The following NHERF1 variants were observed in gnomAD, a reference collection of about 807,000 sequenced individuals.
NHERF1 encodes the protein Na(+)/H(+) exchange regulatory cofactor NHE-RF1.
the NHERF1 span, chr17:74,768,390 C>A: frequency 6.5e-7 from 1 of 1,535,526 alleles, no homozygotes; most frequent in Non-Finnish European, 9.0e-7. Flanking sequence ...CCCAACGGAG[C>A]CACCTCACCA....
At chr17:74,750,370 C>T in the NHERF1 span, among the ~76,000 whole-genome samples, 3 of 152,172 alleles carry the variant, frequency 2.0e-5, no homozygotes, top group Admixed American at 1.3e-4. Context: ...ACCAGCTCTC[C>T]CTGGTGGCAG....
the NHERF1 span, chr17:74,749,173 G>A: frequency 6.5e-7 from 1 of 1,534,136 alleles, no homozygotes; most frequent in Admixed American, 2.0e-5. This position sits in a 1 kb window ranked among gnomAD's most constrained non-coding sequence, Gnocchi z 5.6. Context: ...TCCGAGAGGA[G>A]CTGCTGCGCG....
the NHERF1 span, among the ~76,000 whole-genome samples, chr17:74,758,273 C>T: frequency 6.6e-6 from 1 of 152,204 alleles, no homozygotes; most frequent in African/African-American, 2.4e-5. This position sits in a 1 kb window ranked among gnomAD's most constrained non-coding sequence, Gnocchi z 4.3. Flanking sequence ...GGGGCGGCCA[C>T]TTAGGGCGCG....
At chr17:74,766,392 G>A in the NHERF1 span, among the ~76,000 whole-genome samples, 1 of 151,634 alleles carries the variant, frequency 6.6e-6, no homozygotes, top group Non-Finnish European at 1.5e-5. Flanking sequence ...TAGTAGAGAC[G>A]GGGTTTCACC....
At chr17:74,765,758 G>A in the NHERF1 span, among the ~76,000 whole-genome samples, 1 of 151,968 alleles carries the variant, frequency 6.6e-6, no homozygotes, top group Non-Finnish European at 1.5e-5. Context: ...CGCCATGTTG[G>A]CCAGGCTGGT....
At chr17:74,750,885 G>T in the NHERF1 span, among the ~76,000 whole-genome samples, 1 of 147,476 alleles carries the variant, frequency 6.8e-6, no homozygotes, top group Admixed American at 7.0e-5. Flanking sequence ...CATAGCACAC[G>T]TGCGCAAAGG....
At chr17:74,752,383 C>G in the NHERF1 span, among the ~76,000 whole-genome samples, 1 of 152,048 alleles carries the variant, frequency 6.6e-6, no homozygotes, top group African/African-American at 2.4e-5. Context: ...ACCCAGGGTC[C>G]GAATTCCCCT....
chr17:74,758,575 G>A, the NHERF1 span, among the ~76,000 whole-genome samples: 1 of 152,112 alleles, frequency 6.6e-6, no homozygotes, highest in African/African-American at 2.4e-5. The surrounding 1 kb of genome is among the most constrained non-coding windows in gnomAD (Gnocchi z 4.3). Context: ...CCAGGCTGTC[G>A]TCGTCACTGG....
At chr17:74,762,350 G>A in the NHERF1 span, among the ~76,000 whole-genome samples, 3 of 152,086 alleles carry the variant, frequency 2.0e-5, no homozygotes, top group Non-Finnish European at 2.9e-5. This position sits in a 1 kb window ranked among gnomAD's most constrained non-coding sequence, Gnocchi z 4.2. Flanking sequence ...ATGGATAGAC[G>A]GAAGGACAGA....
the NHERF1 span, chr17:74,749,000 G>A: frequency 1.4e-5 from 23 of 1,609,572 alleles, no homozygotes; most frequent in East Asian, 4.2e-4. The surrounding 1 kb of genome is among the most constrained non-coding windows in gnomAD (Gnocchi z 4.3). Context: ...CGAGAAGGCG[G>A]GGCTGCTGGC....
the NHERF1 span, chr17:74,768,542 A>G: frequency 6.2e-7 from 1 of 1,614,006 alleles, no homozygotes; most frequent in South Asian, 1.1e-5. Flanking sequence ...ACCCCATCCT[A>G]GACTTCAACA....
the NHERF1 span, chr17:74,762,277 C>A: frequency 1.8e-4 from 150 of 813,158 alleles, no homozygotes; most frequent in Non-Finnish European, 2.6e-4. The surrounding 1 kb of genome is among the most constrained non-coding windows in gnomAD (Gnocchi z 4.2). Context: ...AGCCCACGGG[C>A]ATAGCCAACC....
chr17:74,751,839 C>T, the NHERF1 span, among the ~76,000 whole-genome samples: 5 of 152,224 alleles, frequency 3.3e-5, no homozygotes, highest in African/African-American at 7.2e-5. This position sits in a 1 kb window ranked among gnomAD's most constrained non-coding sequence, Gnocchi z 4.3. Flanking sequence ...CCAGGCTGTG[C>T]GAAGCCAAGT....
the NHERF1 span, among the ~76,000 whole-genome samples, chr17:74,758,372 G>C: frequency 4.6e-5 from 7 of 152,194 alleles, no homozygotes; most frequent in African/African-American, 1.7e-4. The surrounding 1 kb of genome is among the most constrained non-coding windows in gnomAD (Gnocchi z 4.3). Flanking sequence ...GCAGCTCTCC[G>C]GGCAGGGTCT....
chr17:74,756,003 G>A, the NHERF1 span, among the ~76,000 whole-genome samples: 1 of 150,286 alleles, frequency 6.7e-6, no homozygotes, highest in African/African-American at 2.4e-5. Context: ...GCCCAGGCTG[G>A]AGTGCAGTGG....
the NHERF1 span, among the ~76,000 whole-genome samples, chr17:74,758,001 C>T: frequency 1.3e-5 from 2 of 152,184 alleles, no homozygotes; most frequent in East Asian, 1.9e-4. This position sits in a 1 kb window ranked among gnomAD's most constrained non-coding sequence, Gnocchi z 4.3. Context: ...TCGAAGGAAG[C>T]GGGCTGGGCT....
the NHERF1 span, among the ~76,000 whole-genome samples, chr17:74,763,694 C>T: frequency 6.8e-4 from 103 of 152,304 alleles, 1 homozygote; most frequent in South Asian, 6.4e-3. Flanking sequence ...GAGCGGGGGC[C>T]TAGTGTAGGG....
At chr17:74,752,118 T>C in the NHERF1 span, among the ~76,000 whole-genome samples, 3 of 152,132 alleles carry the variant, frequency 2.0e-5, no homozygotes, top group African/African-American at 7.2e-5. Flanking sequence ...CAGTGCCTGA[T>C]CGATGGTCAC....
the NHERF1 span, chr17:74,748,630 A>G: frequency 2.0e-6 from 1 of 495,760 alleles, no homozygotes; most frequent in South Asian, 3.2e-5. The surrounding 1 kb of genome is among the most constrained non-coding windows in gnomAD (Gnocchi z 4.3). Flanking sequence ...GGACGCTCAG[A>G]CGCCGCGCGG....
Sources: allele counts gnomAD v4.1 joint callset (sites outside exome capture counted in the v4.1 genomes callset), GRCh38; gene constraint gnomAD v4.1.1; non-coding constraint Gnocchi (gnomAD v3.1); transcripts MANE v1.5; gene names NCBI Gene and HGNC (gene_info 2026-07-23, HGNC 2026-07-21).